Variants in AUTS2 observed in about 807,000 individuals in gnomAD.
The protein encoded by AUTS2 is activator of transcription and developmental regulator AUTS2.
In AUTS2, 17 loss-of-function variants were observed where a neutral mutation model predicts 112.4. The ratio of observed to expected loss-of-function variants is 0.15; its 90% CI spans 0.10 to 0.23. The LOEUF (loss-of-function observed/expected upper bound fraction) is 0.23, where lower values mean the gene tolerates loss of function less well. AUTS2 is among the 10% of genes least tolerant of loss of function. The pLI, the probability that AUTS2 is intolerant of heterozygous loss-of-function variation, is 1.00. For missense variants in AUTS2, 1,510 were observed against 1,701.6 expected (o/e 0.89, Z 1.98); for synonymous variants, 751 against 702.7 (o/e 1.07, Z -1.09).
At chr7:69,708,212 A>G (rs1425191762) in intron 1 of AUTS2, among the ~76,000 whole-genome samples, 1 of 152,208 alleles carries the variant, frequency 6.6e-6, no homozygotes, top group Non-Finnish European at 1.5e-5. Context: ...GTTAATATCT[A>G]CAGAAACACA....
At chr7:70,238,192 C>A (rs1812425476) in intron 4 of AUTS2, among the ~76,000 whole-genome samples, 1 of 152,144 alleles carries the variant, frequency 6.6e-6, no homozygotes. Context: ...ACCTGGGACT[C>A]GAGTGCTGCT....
At chr7:70,159,387 GTCAA>G (rs1435213948) in intron 4 of AUTS2, among the ~76,000 whole-genome samples, 3 of 152,152 alleles carry the variant, frequency 2.0e-5, no homozygotes, top group Non-Finnish European at 1.5e-5. Flanking sequence ...GATTTTGTAT[GTCAA>G]TCAAAACAAA....
At chr7:70,590,042 G>A (rs1368330149) in intron 5 of AUTS2, among the ~76,000 whole-genome samples, 2 of 152,136 alleles carry the variant, frequency 1.3e-5, no homozygotes, top group African/African-American at 2.4e-5. Flanking sequence ...TTCCAGCTGT[G>A]CCCAGAACTT....
In AUTS2 at chr7:70,763,079, CCTT is replaced by C; in HGVS notation, c.955_957del (p.Ser319del). ...GCAGACGGAGCCCCAACTCCGAGCT[CCTT>C]CTCCGGACCCTGACTTGGTGCAGCG... On this transcript the variant is annotated inframe_deletion, in exon 7 of 19. Transcript: ENST00000342771. 6.2e-7 allele frequency: 1 copy of C among 1,614,170 alleles called. No homozygotes were observed.
chr7:70,117,641 G>T (rs543034941), intron 2 of AUTS2, among the ~76,000 whole-genome samples: 37 of 152,138 alleles, frequency 2.4e-4, no homozygotes, highest in African/African-American at 8.9e-4. Context: ...ACATTTCATG[G>T]TGAATATTTT....
intron 6 of AUTS2, among the ~76,000 whole-genome samples, chr7:70,756,821 A>C (rs1305141403): frequency 2.0e-5 from 3 of 152,220 alleles, no homozygotes; most frequent in African/African-American, 7.2e-5. Context: ...TCCTGGAAAA[A>C]TCAGCGTATA....
At chr7:70,249,440 A>G (rs1434973765) in intron 4 of AUTS2, among the ~76,000 whole-genome samples, 1 of 152,158 alleles carries the variant, frequency 6.6e-6, no homozygotes, top group Non-Finnish European at 1.5e-5. Flanking sequence ...TGCGCATTAG[A>G]ATAAATGGGA....
intron 1 of AUTS2, among the ~76,000 whole-genome samples, chr7:69,757,389 C>T (rs1049991978): frequency 1.4e-4 from 22 of 152,192 alleles, no homozygotes; most frequent in Admixed American, 1.4e-3. Context: ...GCTGTGATTT[C>T]ACTTTATTTT....
intron 1 of AUTS2, among the ~76,000 whole-genome samples, chr7:69,604,505 GC>G (rs1477998412): frequency 6.6e-6 from 1 of 152,224 alleles, no homozygotes; most frequent in Non-Finnish European, 1.5e-5. Context: ...AGCGCCATAG[GC>G]TTTTAGAGAC....
chr7:69,821,003 C>G (rs17457910), intron 1 of AUTS2, among the ~76,000 whole-genome samples: 1 of 152,080 alleles, frequency 6.6e-6, no homozygotes, highest in East Asian at 1.9e-4. Context: ...GGCTTTATAA[C>G]GTGAGATTCT....
chr7:70,397,391 C>G (rs1002463488), intron 4 of AUTS2, among the ~76,000 whole-genome samples: 1 of 152,042 alleles, frequency 6.6e-6, no homozygotes, highest in East Asian at 1.9e-4. Context: ...AATACACATG[C>G]ACTAGTGTCT....
At chr7:70,659,950 G>A (rs1003451322) in intron 5 of AUTS2, among the ~76,000 whole-genome samples, 2 of 152,108 alleles carry the variant, frequency 1.3e-5, no homozygotes, top group African/African-American at 4.8e-5. Context: ...GCCAAGGCAG[G>A]TGGATCATTT....
At chr7:70,653,980 C>G (rs766107903) in intron 5 of AUTS2, among the ~76,000 whole-genome samples, 1 of 152,134 alleles carries the variant, frequency 6.6e-6, no homozygotes, top group African/African-American at 2.4e-5. Context: ...GTTAATACTT[C>G]AGTGTGACAC....
chr7:70,369,893 C>G (rs1405208591), intron 4 of AUTS2, among the ~76,000 whole-genome samples: 2 of 152,142 alleles, frequency 1.3e-5, no homozygotes, highest in Non-Finnish European at 2.9e-5. Context: ...CTTGCCCATC[C>G]CCATTTTGAA....
At chr7:70,270,465 T>C (rs1033370717) in intron 4 of AUTS2, among the ~76,000 whole-genome samples, 18 of 152,072 alleles carry the variant, frequency 1.2e-4, no homozygotes, top group Non-Finnish European at 2.1e-4. Context: ...AGTGTAGTGT[T>C]TATGTTTCAG....
intron 1 of AUTS2, among the ~76,000 whole-genome samples, chr7:69,839,809 C>T (rs932173569): frequency 3.3e-5 from 5 of 151,644 alleles, no homozygotes; most frequent in African/African-American, 1.2e-4. Flanking sequence ...TTGTTGTTGT[C>T]GTGTTTTGTA....
chr7:70,466,909 A>G (rs1298513174), intron 5 of AUTS2, among the ~76,000 whole-genome samples: 1 of 152,186 alleles, frequency 6.6e-6, no homozygotes, highest in East Asian at 1.9e-4. Context: ...AGCAGTGAGG[A>G]GAGACTGTTA....
At chr7:70,572,729 C>T (rs971934819) in intron 5 of AUTS2, among the ~76,000 whole-genome samples, 3 of 152,228 alleles carry the variant, frequency 2.0e-5, no homozygotes, top group South Asian at 2.1e-4. Flanking sequence ...AGGTCAGAAT[C>T]GGTGCCACAC....
At position 70,426,943 on chromosome 7, in the gene AUTS2, A is replaced by C. The variant is rs561412936; in HGVS notation, c.661-8809A>C. ...CAGCAAATTTGGGTTTTATTAGCTT[A>C]CACAGGACTCCAAAAAGAACCCAGC... is the stretch of plus-strand genomic sequence containing the variant. On this transcript the variant is annotated intron_variant, in intron 4 of 18. Transcript: ENST00000342771. Among the ~76,000 whole-genome samples, 3 of 149,916 alleles carry C rather than the reference A, an allele frequency of 2.0e-5. No homozygotes were observed. In the South Asian group the frequency reaches 6.2e-4, roughly 31 times the overall value.
Sources: gnomAD v4.1 joint callset for allele counts (sites outside exome capture counted in the v4.1 genomes callset) on GRCh38, gnomAD v4.1.1 for gene constraint, MANE v1.5 for transcripts, NCBI Gene and HGNC (gene_info 2026-07-23, HGNC 2026-07-21) for gene names.